The following TRIM40 variants were observed in gnomAD, a reference collection of about 807,000 sequenced individuals.
The protein encoded by TRIM40 is E3 ubiquitin ligase TRIM40.
Under a neutral mutation model 26.1 loss-of-function variants are expected in TRIM40, and 27 were observed. That is an observed-to-expected ratio of 1.04 (90% CI 0.76 to 1.43). The LOEUF (loss-of-function observed/expected upper bound fraction) is 1.43. TRIM40 is among the 40% of genes most tolerant of loss of function. The pLI is 0.00. For synonymous variants in TRIM40, 114 were observed against 120.0 expected (o/e 0.95, Z 0.33); for missense variants, 289 against 307.9 (o/e 0.94, Z 0.46).
chr6:30,139,985 G>A (rs147000549), intron 2 of TRIM40, among the ~76,000 whole-genome samples: 1,686 of 152,198 alleles, frequency 0.011, 25 homozygotes, highest in African/African-American at 0.034. Flanking sequence ...CATCATCACT[G>A]GTCTTTAGAG....
Position 30,147,033 on chromosome 6 carries a change from C to T in TRIM40, c.490C>T (p.Gln164Ter). Residue 164 changes from glutamine to a stop codon, truncating the protein, a stop_gained, in exon 4 of 6, where the codon CAG becomes TAG. Transcript: ENST00000396581. LOFTEE classifies it high-confidence loss of function. ...CAGGCTGGAGGCTGGGCCGGAGAGCCAGCACCAAACCAGGGAACAGCTGGG... is the reference window on the plus strand; with the variant it reads ...CAGGCTGGAGGCTGGGCCGGAGAGCTAGCACCAAACCAGGGAACAGCTGGG... ...NHRLEAGPES[Q>*]HQTREQLGAL... 1 of 1,612,388 alleles carries T rather than the reference C, an allele frequency of 6.2e-7. No individual in the cohort carries two copies. Among genetic ancestry groups the T allele is most frequent in the Non-Finnish European group, 8.5e-7 (1 of 1,179,346 alleles).
At chr6:30,147,425 C>G in intron 4 of TRIM40, 95 bp from the exon 5 acceptor site, 1 of 1,587,710 alleles carries the variant, frequency 6.3e-7, no homozygotes, top group Non-Finnish European at 8.6e-7. Flanking sequence ...CAAGGTGGCA[C>G]CCCAGAGTGG....
intron 2 of TRIM40, 144 bp from the exon 3 acceptor site, chr6:30,145,850 G>C (rs767466647): frequency 3.8e-5 from 24 of 629,432 alleles, no homozygotes; most frequent in Admixed American, 1.1e-4. Context: ...CTCCAACCAT[G>C]ATGCTCTAAA....
chr6:30,140,246 T>C (rs996362922), intron 2 of TRIM40, among the ~76,000 whole-genome samples: 1 of 152,222 alleles, frequency 6.6e-6, no homozygotes, highest in Non-Finnish European at 1.5e-5. Flanking sequence ...TTATAAATCA[T>C]TCTACTATAA....
At chr6:30,147,285 G>A in intron 4 of TRIM40, 76 bp downstream of exon 4, 1 of 1,557,714 alleles carries the variant, frequency 6.4e-7, no homozygotes, top group South Asian at 1.1e-5. Context: ...CACCCTTCTG[G>A]GAGGTGTAAG....
chr6:30,137,003 G>T lies in TRIM40; in HGVS notation c.-34G>T. 6.3e-7 allele frequency: 1 copy of T among 1,593,094 alleles called. No individual in the cohort carries two copies. The highest frequency in any genetic ancestry group is 8.6e-7 in the Non-Finnish European group (1 of 1,168,152). ...GAAGACCAGTGAAGAAGGAGGCCCTGCAAACAGGAGGCTGACAGGGTAGGA... is the reference window on the plus strand; with the variant it reads ...GAAGACCAGTGAAGAAGGAGGCCCTTCAAACAGGAGGCTGACAGGGTAGGA... On this transcript the variant is annotated 5_prime_UTR_variant, in exon 2 of 6. Coordinates refer to ENST00000396581, the MANE Select transcript of TRIM40 (RefSeq NM_001286633.2).
rs887946243 is a variant in TRIM40 at position 30,147,932 on chromosome 6, G to A, written c.*120G>A. On this transcript the variant is annotated 3_prime_UTR_variant, in exon 6 of 6. Coordinates refer to ENST00000396581, the MANE Select transcript of TRIM40 (RefSeq NM_001286633.2). Reference sequence around the variant, plus strand: ...TGCATCTTCGGGCCTGCCAGCTCCTGAACATGTCACCATTTCTTCATGTCC... The same window carrying A: ...TGCATCTTCGGGCCTGCCAGCTCCTAAACATGTCACCATTTCTTCATGTCC... The A allele has an allele frequency of 1.3e-6, 1 of 769,250 alleles. No individual in the cohort carries two copies. The highest frequency in any genetic ancestry group is 2.3e-5 in the Admixed American group (1 of 44,310). 47.7% of individuals were successfully genotyped at this position (769,250 alleles called of 1,614,324 possible).
rs2021731 is a variant in TRIM40, at chr6:30,136,820, C to A, written c.-217C>A. On this transcript the variant is annotated 5_prime_UTR_variant, in exon 2 of 6. Transcript: ENST00000396581. ...TGATGAGCTATTTCTGAAACTCGTG[C>A]AGAATTGTGGTTTGTGTGGTCTATG... 0.15 allele frequency: 81,876 copies of A among 561,296 alleles called. 7,229 individuals carry two copies. Among genetic ancestry groups the A allele is most frequent in the African/African-American group, 0.27 (14,661 of 53,460 alleles). 34.8% of individuals were successfully genotyped at this position (561,296 alleles called of 1,614,324 possible).
chr6:30,147,352 T>A (rs1256110231), intron 4 of TRIM40, 143 bp downstream of exon 4: 3 of 1,356,592 alleles, frequency 2.2e-6, no homozygotes, highest in African/African-American at 2.9e-5. Flanking sequence ...TGTTCCAGGC[T>A]ACAGAGTGCT....
chr6:30,144,781 G>C (rs1246969537), intron 2 of TRIM40, among the ~76,000 whole-genome samples: 2 of 152,164 alleles, frequency 1.3e-5, no homozygotes, highest in African/African-American at 4.8e-5. Context: ...TTGACTGTGA[G>C]GGCAGCAAGT....
intron 2 of TRIM40, among the ~76,000 whole-genome samples, chr6:30,145,437 A>G (rs1042266373): frequency 6.6e-6 from 1 of 152,228 alleles, no homozygotes; most frequent in Non-Finnish European, 1.5e-5. Flanking sequence ...AACTCAAATC[A>G]TTCTTTAACT....
intron 3 of TRIM40, 146 bp downstream of exon 3, chr6:30,146,235 G>T: frequency 3.0e-6 from 2 of 674,678 alleles, no homozygotes; most frequent in Non-Finnish European, 2.6e-6. Flanking sequence ...TGGCCTTGGC[G>T]TCAAAGTTTG....
At chr6:30,147,316 T>C (rs1771731263) in intron 4 of TRIM40, 107 bp downstream of exon 4, 2 of 1,394,110 alleles carry the variant, frequency 1.4e-6, no homozygotes, top group East Asian at 4.6e-5. Context: ...CTGTGTGATA[T>C]GTGGTGACTT....
intron 2 of TRIM40, among the ~76,000 whole-genome samples, chr6:30,144,374 T>C (rs117338601): frequency 0.022 from 3,385 of 152,142 alleles, 58 homozygotes; most frequent in Middle Eastern, 0.068. Flanking sequence ...TTCTACCATA[T>C]TGATTTTGAG....
intron 3 of TRIM40, among the ~76,000 whole-genome samples, chr6:30,146,683 T>C (rs1417141469): frequency 1.3e-5 from 2 of 152,056 alleles, no homozygotes; most frequent in African/African-American, 4.8e-5. Flanking sequence ...AGTGCTGGGA[T>C]TACAGGTGTG....
rs1771802121 is a variant in TRIM40, at chr6:30,148,405, TAGGG to T, written c.*594_*597del. 1.3e-5 allele frequency: 2 copies of T among 158,278 alleles called. No individual in the cohort carries two copies. The highest frequency in any genetic ancestry group is 1.2e-4 in the Admixed American group (2 of 16,762). The allele number at this position is 158,278 out of a possible 1,614,324, so 9.8% of individuals were successfully genotyped here. On this transcript the variant is annotated 3_prime_UTR_variant, in exon 6 of 6. Transcript: ENST00000396581. ...AATGAATGGAATAAGGCAAAGGTGA[TAGGG>T]TGTCACTCTGGCAACTGTGTTGCAT...
chr6:30,147,377 G>T (rs1329587898), intron 4 of TRIM40, 143 bp from the exon 5 acceptor site: 2 of 1,388,346 alleles, frequency 1.4e-6, no homozygotes, highest in Admixed American at 3.5e-5. Flanking sequence ...CAGCAGAATG[G>T]GCACAGAAGA....
rs537060087 is a variant in TRIM40 at position 30,145,009 on chromosome 6, A to G, written c.346-985A>G. 9.9e-5 allele frequency among the ~76,000 whole-genome samples: 15 copies of G among 152,206 alleles called. No homozygotes were observed. In the South Asian group the frequency reaches 3.1e-3, roughly 32 times the overall value. ...CCCAGTGACGTGACACGTTTTTAGT[A>G]ACTTTGTGGTGACATCACTGTCTTC... On this transcript the variant is annotated intron_variant, in intron 2 of 5. Coordinates refer to ENST00000396581, the MANE Select transcript of TRIM40 (RefSeq NM_001286633.2).
intron 2 of TRIM40, among the ~76,000 whole-genome samples, chr6:30,142,061 T>TA (rs537535979): frequency 3.9e-5 from 6 of 152,164 alleles, no homozygotes; most frequent in Non-Finnish European, 8.8e-5. Context: ...ACCTTATGTG[T>TA]ACTCATGGAT....
Sources: gnomAD v4.1 joint callset for allele counts (sites outside exome capture counted in the v4.1 genomes callset) on GRCh38, gnomAD v4.1.1 for gene constraint, MANE v1.5 for transcripts, NCBI Gene and HGNC (gene_info 2026-07-23, HGNC 2026-07-21) for gene names.